MED27: variants seen among roughly 807,000 people sequenced by gnomAD.
MED27 encodes mediator of RNA polymerase II transcription subunit 27.
Under a neutral mutation model 38.2 loss-of-function variants are expected in MED27, and 30 were observed. The ratio of observed to expected loss-of-function variants is 0.79; its 90% CI spans 0.59 to 1.07. The LOEUF (loss-of-function observed/expected upper bound fraction) is 1.07. Ranked by LOEUF, MED27 falls within the 50% of genes least tolerant of loss-of-function variation. The pLI is 0.00. For missense variants in MED27, 289 were observed against 397.5 expected, an observed-to-expected ratio of 0.73 and a Z score of 2.32; for synonymous variants, 122 against 153.5, an observed-to-expected ratio of 0.79 and a Z score of 1.52.
intron 1 of MED27, among the ~76,000 whole-genome samples, chr9:132,079,190 G>A (rs188262533): frequency 2.0e-5 from 3 of 152,278 alleles, no homozygotes; most frequent in African/African-American, 7.2e-5. Flanking sequence ...TGGAACTGAT[G>A]AAGTCCAAGT....
intron 2 of MED27, among the ~76,000 whole-genome samples, chr9:132,074,279 AT>A (rs113488223): frequency 0.026 from 4,026 of 152,348 alleles, 56 homozygotes; most frequent in South Asian, 0.06. Context: ...TCTAACAATT[AT>A]GCCAAGTACC....
intron 4 of MED27, among the ~76,000 whole-genome samples, chr9:131,933,156 C>G (rs1055875981): frequency 6.6e-5 from 10 of 152,080 alleles, no homozygotes; most frequent in African/African-American, 2.2e-4. Flanking sequence ...TTACAGTTAG[C>G]ATCATACTGA....
chr9:131,874,735 T>A (rs1309164528), intron 6 of MED27, among the ~76,000 whole-genome samples: 1 of 152,150 alleles, frequency 6.6e-6, no homozygotes, highest in Admixed American at 6.5e-5. Context: ...GATTAAGGAA[T>A]TAAGGCTTTT....
chr9:132,024,979 G>A (rs780884287), intron 2 of MED27, among the ~76,000 whole-genome samples: 29 of 151,744 alleles, frequency 1.9e-4, no homozygotes, highest in Non-Finnish European at 3.2e-4. Context: ...TATTTCTGTC[G>A]GTCTGTTTAA....
chr9:132,010,141 A>G (rs1318950140), intron 3 of MED27, among the ~76,000 whole-genome samples: 1 of 152,210 alleles, frequency 6.6e-6, no homozygotes, highest in African/African-American at 2.4e-5. Context: ...GTCCTTGCCC[A>G]TGCCTATGTC....
chr9:131,923,999 G>A (rs1020097361), intron 4 of MED27, among the ~76,000 whole-genome samples: 9 of 152,190 alleles, frequency 5.9e-5, no homozygotes, highest in African/African-American at 2.2e-4. Context: ...TTGTGCGAGT[G>A]TATCATAATG....
At chr9:131,890,625 A>G (rs990427052) in intron 5 of MED27, among the ~76,000 whole-genome samples, 2 of 152,082 alleles carry the variant, frequency 1.3e-5, no homozygotes, top group Admixed American at 1.3e-4. Flanking sequence ...CTTTTTCATC[A>G]TCTCCTCCCA....
intron 4 of MED27, among the ~76,000 whole-genome samples, chr9:131,920,736 G>C (rs1830375854): frequency 6.6e-6 from 1 of 152,112 alleles, no homozygotes. Context: ...TGGGGGCCTG[G>C]GGAAACCTTT....
chr9:132,025,320 T>C (rs1832796042), intron 2 of MED27, among the ~76,000 whole-genome samples: 1 of 152,072 alleles, frequency 6.6e-6, no homozygotes, highest in Non-Finnish European at 1.5e-5. Flanking sequence ...GTTGCTGGGA[T>C]TACAGGCATG....
At chr9:131,939,961 C>T (rs1830756674) in intron 3 of MED27, among the ~76,000 whole-genome samples, 1 of 146,824 alleles carries the variant, frequency 6.8e-6, no homozygotes, top group Non-Finnish European at 1.5e-5. Context: ...GGCTGGAGTG[C>T]AGTGGCGTGA....
Position 132,077,562 on chromosome 9 carries a change from C to T in MED27, c.228G>A (p.Leu76=). 1 of 1,614,102 alleles carries T rather than the reference C, an allele frequency of 6.2e-7. No individual in the cohort carries two copies. Among genetic ancestry groups the T allele is most frequent in the East Asian group, 2.2e-5 (1 of 44,886 alleles). The change falls in exon 2 of 8, where the codon CTG becomes CTA. Residue 76 remains leucine (L), a synonymous_variant. Coordinates refer to ENST00000292035, the MANE Select transcript of MED27 (RefSeq NM_004269.4). ...DLNELERLSN[L]VGKPSENHPL... ...GATGGTTCTCAGATGGCTTGCCTACCAGATTGCTCAGACGTTCCAGCTCAC... is the reference window on the plus strand; with the variant it reads ...GATGGTTCTCAGATGGCTTGCCTACTAGATTGCTCAGACGTTCCAGCTCAC...
intron 4 of MED27, among the ~76,000 whole-genome samples, chr9:131,896,845 C>T (rs529929812): frequency 3.0e-4 from 45 of 152,364 alleles, no homozygotes; most frequent in African/African-American, 1.1e-3. Flanking sequence ...GATTTTCCTG[C>T]CTCAGCCTCC....
At chr9:131,886,346 G>A (rs954764587) in intron 5 of MED27, among the ~76,000 whole-genome samples, 3 of 152,162 alleles carry the variant, frequency 2.0e-5, no homozygotes, top group African/African-American at 7.2e-5. Flanking sequence ...TCAGCTCATC[G>A]AACTCCATGA....
At chr9:131,929,816 T>C (rs1830549109) in intron 4 of MED27, among the ~76,000 whole-genome samples, 1 of 152,230 alleles carries the variant, frequency 6.6e-6, no homozygotes, top group African/African-American at 2.4e-5. Context: ...TAGGGGAACT[T>C]GCTACCCTGA....
At chr9:131,975,515 T>C (rs1158978330) in intron 3 of MED27, among the ~76,000 whole-genome samples, 3 of 152,226 alleles carry the variant, frequency 2.0e-5, no homozygotes, top group Non-Finnish European at 4.4e-5. Context: ...CTCGCTGGGT[T>C]AGTTTCCTTG....
intron 2 of MED27, among the ~76,000 whole-genome samples, chr9:132,069,795 G>A (rs778752249): frequency 7.9e-5 from 12 of 152,210 alleles, no homozygotes; most frequent in Non-Finnish European, 1.2e-4. Context: ...CGATGAGGAA[G>A]GTGAAACCCA....
At chr9:131,934,577 G>C (rs753771696) in intron 4 of MED27, among the ~76,000 whole-genome samples, 1 of 152,214 alleles carries the variant, frequency 6.6e-6, no homozygotes, top group Admixed American at 6.5e-5. Context: ...TGGTGAGGAG[G>C]TGGAGAAAAG....
Position 131,861,819 on chromosome 9 carries a change from C to T in MED27, c.802-1147G>A, listed in dbSNP as rs373887693. Among the ~76,000 whole-genome samples the T allele has an allele frequency of 5.3e-5, 8 of 150,066 alleles. No homozygotes were observed. In the East Asian group the frequency reaches 1.2e-3, roughly 22 times the overall value. On this transcript the variant is annotated intron_variant, in intron 7 of 7. Transcript: ENST00000292035. This position sits in a 1 kb window ranked among gnomAD's most constrained non-coding sequence, Gnocchi z 4.4. The stretch of plus-strand genomic sequence containing the variant: ...ACCACATCTCGCTCTGACACCCAGG[C>T]TGGAGCGCAGTGGTGCAATCGATCA...
At chr9:131,864,954 C>T (rs1242661404) in intron 6 of MED27, among the ~76,000 whole-genome samples, 2 of 152,274 alleles carry the variant, frequency 1.3e-5, no homozygotes, top group Non-Finnish European at 2.9e-5. Flanking sequence ...CTGCCTGGGC[C>T]CTGGACTTGC....
Sources: allele counts gnomAD v4.1 joint callset (sites outside exome capture counted in the v4.1 genomes callset), GRCh38; gene constraint gnomAD v4.1.1; non-coding constraint Gnocchi (gnomAD v3.1); transcripts MANE v1.5; gene names NCBI Gene and HGNC (gene_info 2026-07-23, HGNC 2026-07-21).